The following SPECC1 variants were observed in gnomAD, a reference collection of about 807,000 sequenced individuals.
SPECC1 encodes the protein cytospin-B.
Under a neutral mutation model 104.1 loss-of-function variants are expected in SPECC1, and 62 were observed. The ratio of observed to expected loss-of-function variants is 0.60; its 90% confidence interval spans 0.49 to 0.74. The LOEUF is 0.74. SPECC1 is among the 30% of genes least tolerant of loss of function. The probability of loss-of-function intolerance (pLI) is 0.00; values close to 1 mark genes in which losing one functional copy is unlikely to be tolerated. For missense variants in SPECC1, 1,306 were observed against 1,310.5 expected (o/e 1.00, Z 0.05); for synonymous variants, 513 against 501.6 (o/e 1.02, Z -0.30).
At chr17:20,020,036 C>T (rs1318597079) in intron 1 of SPECC1, among the ~76,000 whole-genome samples, 3 of 152,150 alleles carry the variant, frequency 2.0e-5, no homozygotes, top group South Asian at 2.1e-4. Flanking sequence ...TTAATGTTTT[C>T]GGAAAGAACC....
chr17:20,139,963 C>T lies in SPECC1; in HGVS notation c.283+29401C>T, dbSNP rs142589714. 5.9e-3 allele frequency among the ~76,000 whole-genome samples: 895 copies of T among 152,242 alleles called. 7 individuals carry two copies. The highest frequency in any genetic ancestry group is 0.02 in the African/African-American group (829 of 41,542). On this transcript the variant is annotated intron_variant, in intron 3 of 14. Transcript: ENST00000395527. ...TGCCGGGATTACAGGTGTGAGCCACCGCACCCAGCCCACTTCTTTTTATTT... is the reference window on the plus strand; with the variant it reads ...TGCCGGGATTACAGGTGTGAGCCACTGCACCCAGCCCACTTCTTTTTATTT...
intron 1 of SPECC1, among the ~76,000 whole-genome samples, chr17:20,086,029 G>A (rs1291063502): frequency 1.3e-5 from 2 of 152,142 alleles, no homozygotes; most frequent in African/African-American, 4.8e-5. Flanking sequence ...CCTAGCTAAT[G>A]TGCCATCTCT....
chr17:20,104,740 C>CAAAAAAAA (rs745893309), intron 2 of SPECC1, among the ~76,000 whole-genome samples: 4 of 57,242 alleles, frequency 7.0e-5, no homozygotes, highest in South Asian at 9.3e-4. Context: ...GAGACTGTCT[C>CAAAAAAAA]AAAAAAAAAA....
chr17:20,079,247 T>C (rs556341784), intron 1 of SPECC1, among the ~76,000 whole-genome samples: 1 of 152,194 alleles, frequency 6.6e-6, no homozygotes, highest in Non-Finnish European at 1.5e-5. Flanking sequence ...GGCACTGTGC[T>C]CCTCACTTTC....
At chr17:20,047,774 T>C (rs1166568133) in intron 1 of SPECC1, among the ~76,000 whole-genome samples, 1 of 151,990 alleles carries the variant, frequency 6.6e-6, no homozygotes, top group East Asian at 1.9e-4. Context: ...ATTTTTTGTA[T>C]TTTTAGTAGA....
rs571075579 is a variant in SPECC1 at position 20,202,371 on chromosome 17, A to G, written c.284-1962A>G. On this transcript the variant is annotated intron_variant, in intron 3 of 14. Coordinates refer to ENST00000395527, the MANE Select transcript of SPECC1 (RefSeq NM_001243439.2). Reference sequence around the variant, plus strand: ...TATGTTTTGTTGTGTTTAGTGCAGTACCACAAACCTTGAATAACACTATGG... The same window carrying G: ...TATGTTTTGTTGTGTTTAGTGCAGTGCCACAAACCTTGAATAACACTATGG... Among the ~76,000 whole-genome samples, 4 of 152,244 alleles carry G rather than the reference A, an allele frequency of 2.6e-5. No individual in the cohort carries two copies. The East Asian group carries it at 7.7e-4, about 29-fold the overall frequency.
At chr17:20,192,361 C>T (rs760158704) in intron 3 of SPECC1, among the ~76,000 whole-genome samples, 3 of 152,002 alleles carry the variant, frequency 2.0e-5, no homozygotes, top group Non-Finnish European at 4.4e-5. Context: ...CACATATTTT[C>T]TCCCAGCCTG....
At chr17:20,245,502 A>C (rs1240407071) in intron 7 of SPECC1, among the ~76,000 whole-genome samples, 1 of 152,134 alleles carries the variant, frequency 6.6e-6, no homozygotes, top group African/African-American at 2.4e-5. Flanking sequence ...GTGAGATTTC[A>C]TCTTTCCAAA....
chr17:20,288,020 C>T (rs1332620914), intron 12 of SPECC1, among the ~76,000 whole-genome samples: 1 of 151,220 alleles, frequency 6.6e-6, no homozygotes, highest in Non-Finnish European at 1.5e-5. Context: ...CATTTGTTCA[C>T]CTTCCACTTA....
At chr17:20,125,848 C>G (rs1021170331) in intron 3 of SPECC1, among the ~76,000 whole-genome samples, 2 of 152,184 alleles carry the variant, frequency 1.3e-5, no homozygotes, top group Non-Finnish European at 2.9e-5. Context: ...GAACTCTGCA[C>G]TAGTTAAGGT....
At chr17:20,130,402 G>A (rs770082660) in intron 3 of SPECC1, among the ~76,000 whole-genome samples, 1 of 152,166 alleles carries the variant, frequency 6.6e-6, no homozygotes, top group Non-Finnish European at 1.5e-5. Context: ...GGGTATGGTG[G>A]TGCACACTTG....
At chr17:20,306,107 GT>G (rs1245085451) in intron 14 of SPECC1, 25 bp downstream of exon 14, 4 of 1,599,920 alleles carry the variant, frequency 2.5e-6, no homozygotes, top group Non-Finnish European at 3.4e-6. Context: ...TTGTATCCTT[GT>G]GATACTTTAA....
chr17:20,025,099 A>C (rs2044548770), intron 1 of SPECC1, among the ~76,000 whole-genome samples: 1 of 152,204 alleles, frequency 6.6e-6, no homozygotes, highest in Non-Finnish European at 1.5e-5. Flanking sequence ...TGTGCATAGC[A>C]ATTGGCCATG....
chr17:20,199,732 C>T (rs572591319), intron 3 of SPECC1, among the ~76,000 whole-genome samples: 3 of 152,270 alleles, frequency 2.0e-5, no homozygotes, highest in South Asian at 2.1e-4. Context: ...TTCTCACCAA[C>T]AGTGTACAGG....
intron 13 of SPECC1, among the ~76,000 whole-genome samples, chr17:20,304,117 C>CAAAAA (rs774130653): frequency 2.5e-5 from 1 of 39,336 alleles, no homozygotes; most frequent in Non-Finnish European, 4.8e-5. Flanking sequence ...ACTAAAAATA[C>CAAAAA]AAAAAAAAAA....
At chr17:20,023,648 T>A (rs2044484368) in intron 1 of SPECC1, among the ~76,000 whole-genome samples, 1 of 152,102 alleles carries the variant, frequency 6.6e-6, no homozygotes, top group African/African-American at 2.4e-5. Context: ...GCAAATTCCA[T>A]GGGGTGAGAG....
chr17:20,046,685 T>C (rs1567810891), intron 1 of SPECC1, among the ~76,000 whole-genome samples: 1 of 151,954 alleles, frequency 6.6e-6, no homozygotes, highest in Non-Finnish European at 1.5e-5. Context: ...GAGGGCCCCA[T>C]TGAGATGCTG....
intron 1 of SPECC1, among the ~76,000 whole-genome samples, chr17:20,046,532 G>T (rs918059782): frequency 1.3e-5 from 2 of 152,164 alleles, no homozygotes; most frequent in Non-Finnish European, 2.9e-5. Context: ...ACTAGAGGGG[G>T]TGGCAAACAA....
chr17:20,298,948 A>AGAGAGAGAGTGTGTGTGT, intron 13 of SPECC1, among the ~76,000 whole-genome samples: 13 of 49,066 alleles, frequency 2.6e-4, no homozygotes, highest in African/African-American at 9.3e-4. Flanking sequence ...AGAGAGAGAG[A>AGAGAGAGAGTGTGTGTGT]GTGTGTGTGT....
Sources: allele counts gnomAD v4.1 joint callset (sites outside exome capture counted in the v4.1 genomes callset), GRCh38; gene constraint gnomAD v4.1.1; transcripts MANE v1.5; gene names NCBI Gene and HGNC (gene_info 2026-07-23, HGNC 2026-07-21).